Variants in PCDHGA12 observed in about 807,000 individuals in gnomAD.
PCDHGA12 encodes protocadherin gamma subfamily A, 12, also known as protocadherin gamma-A12.
PCDHGA12 carries 43 observed loss-of-function variants against 61.1 expected under a neutral mutation model. That is an observed-to-expected ratio of 0.70 (90% CI 0.55 to 0.91). PCDHGA12 has a LOEUF of 0.91. Among genes scored for constraint, PCDHGA12 ranks in the 40% least tolerant of loss-of-function variants. The pLI, the probability that PCDHGA12 is intolerant of heterozygous loss-of-function variation, is 0.00. For missense variants in PCDHGA12, 1,236 were observed against 1,227.7 expected (o/e 1.01, Z -0.10); for synonymous variants, 520 against 542.9 (o/e 0.96, Z 0.59).
At chr5:141,501,326 CACACACA>C (rs1562200783) in intron 2 of PCDHGA12, among the ~76,000 whole-genome samples, 10 of 151,784 alleles carry the variant, frequency 6.6e-5, no homozygotes, top group African/African-American at 1.9e-4. Flanking sequence ...CACACACACA[CACACACA>C]CCCCAAACTC....
rs980196319 is a variant in PCDHGA12 at position 141,511,604 on chromosome 5, A to C, written c.*431A>C. 3 of 248,420 alleles carry C rather than the reference A, an allele frequency of 1.2e-5. No individual in the cohort carries two copies. Among genetic ancestry groups the C allele is most frequent in the African/African-American group, 6.6e-5 (3 of 45,596 alleles). The allele number at this position is 248,420 out of a possible 1,614,324, so 15.4% of individuals were successfully genotyped here. Reference sequence around the variant, plus strand: ...GGTGTTGAAGTACCAAGTAACCTACAAGCCTCCTAGTTCTGAAAAGTTGGA... The same window carrying C: ...GGTGTTGAAGTACCAAGTAACCTACCAGCCTCCTAGTTCTGAAAAGTTGGA... On this transcript the variant is annotated 3_prime_UTR_variant, in exon 4 of 4. Coordinates refer to ENST00000252085, the MANE Select transcript of PCDHGA12 (RefSeq NM_003735.3).
intron 1 of PCDHGA12, among the ~76,000 whole-genome samples, chr5:141,456,266 C>G (rs1273258132): frequency 6.6e-6 from 1 of 152,128 alleles, no homozygotes; most frequent in Non-Finnish European, 1.5e-5. Context: ...TTGCTTCTGG[C>G]TACTTCCTGC....
At chr5:141,434,693 T>C (rs2097710124) in intron 1 of PCDHGA12, among the ~76,000 whole-genome samples, 1 of 152,034 alleles carries the variant, frequency 6.6e-6, no homozygotes, top group Non-Finnish European at 1.5e-5. Context: ...TTGCTGTTAA[T>C]AAATATGTGG....
At chr5:141,459,703 T>G (rs2098973426) in intron 1 of PCDHGA12, among the ~76,000 whole-genome samples, 1 of 152,226 alleles carries the variant, frequency 6.6e-6, no homozygotes, top group African/African-American at 2.4e-5. Context: ...CTTGCTACAT[T>G]TTCTCACCAA....
intron 1 of PCDHGA12, among the ~76,000 whole-genome samples, chr5:141,445,458 A>G (rs1427391084): frequency 6.6e-6 from 1 of 152,248 alleles, no homozygotes; most frequent in Non-Finnish European, 1.5e-5. Flanking sequence ...TGCAGCAATG[A>G]ACAAGGCATA....
chr5:141,441,843 G>T, intron 1 of PCDHGA12: 1 of 356,176 alleles, frequency 2.8e-6, no homozygotes. Context: ...TCGCGCTCTT[G>T]GATATGGTGC....
chr5:141,486,421 G>A lies in PCDHGA12; in HGVS notation c.2425-8386G>A, dbSNP rs772631503. ...TGACTGCTGGACCCTTGGATCGAGA[G>A]GCCAAATCTAGCTATGACATCATGG... On this transcript the variant is annotated intron_variant, in intron 1 of 3. Coordinates refer to ENST00000252085, the MANE Select transcript of PCDHGA12 (RefSeq NM_003735.3). This position sits in a 1 kb window ranked among gnomAD's most constrained non-coding sequence, Gnocchi z 5.0. 2.5e-6 allele frequency: 4 copies of A among 1,614,152 alleles called. No homozygotes were observed. In the East Asian group the frequency reaches 6.7e-5, roughly 27 times the overall value.
Position 141,491,732 on chromosome 5 carries a change from C to G in PCDHGA12, c.2425-3075C>G. ...GGCTCGGCGCCGCCCCGGGCGACCC[C>G]TGGGGGCGGCACTGGAGAAGCCGCC... On this transcript the variant is annotated intron_variant, in intron 1 of 3. Coordinates refer to ENST00000252085, the MANE Select transcript of PCDHGA12 (RefSeq NM_003735.3). This position sits in a 1 kb window ranked among gnomAD's most constrained non-coding sequence, Gnocchi z 6.9. The G allele has an allele frequency of 1.2e-6, 2 of 1,602,752 alleles. No individual in the cohort carries two copies. Among genetic ancestry groups the G allele is most frequent in the Non-Finnish European group, 1.7e-6 (2 of 1,175,308 alleles).
In PCDHGA12 at chr5:141,485,580, A is replaced by C. The variant is rs761157560; in HGVS notation, c.2425-9227A>C. The C allele has an allele frequency of 6.2e-7, 1 of 1,612,610 alleles. No homozygotes were observed. The highest frequency in any genetic ancestry group is 2.2e-5 in the East Asian group (1 of 44,850). ...GATCACGCCCCCCGTTTTCCGCGGCAGCAGCTGGACTTGGAAATTGGGGAG... is the reference window on the plus strand; with the variant it reads ...GATCACGCCCCCCGTTTTCCGCGGCCGCAGCTGGACTTGGAAATTGGGGAG... On this transcript the variant is annotated intron_variant, in intron 1 of 3. Transcript: ENST00000252085. The surrounding 1 kb of genome is among the most constrained non-coding windows in gnomAD (Gnocchi z 5.7).
chr5:141,509,086 A>T lies in PCDHGA12; in HGVS notation c.2573-1861A>T, dbSNP rs147084289. On this transcript the variant is annotated intron_variant, in intron 3 of 3. Coordinates refer to ENST00000252085, the MANE Select transcript of PCDHGA12 (RefSeq NM_003735.3). ...CAGCTCCGGGGATTTGCGACATGAAATGGGGGCTGTAGAAACCTGAGCGCT... is the reference window on the plus strand; with the variant it reads ...CAGCTCCGGGGATTTGCGACATGAATTGGGGGCTGTAGAAACCTGAGCGCT... 8.3e-3 allele frequency among the ~76,000 whole-genome samples: 1,261 copies of T among 152,228 alleles called. 7 individuals are homozygous for T. Among genetic ancestry groups the T allele is most frequent in the Middle Eastern group, 0.037 (11 of 294 alleles).
chr5:141,450,110 G>C (rs2098669636), intron 1 of PCDHGA12, among the ~76,000 whole-genome samples: 1 of 147,716 alleles, frequency 6.8e-6, no homozygotes. Context: ...AGGTTCAAAT[G>C]ATTCTCCTGC....
intron 2 of PCDHGA12, among the ~76,000 whole-genome samples, chr5:141,501,223 T>G (rs1247662371): frequency 6.6e-6 from 1 of 151,280 alleles, no homozygotes; most frequent in African/African-American, 2.4e-5. Flanking sequence ...CTTCCTAGAT[T>G]TCTCAGTTTT....
At chr5:141,472,729 T>G (rs2099294506) in intron 1 of PCDHGA12, among the ~76,000 whole-genome samples, 1 of 152,004 alleles carries the variant, frequency 6.6e-6, no homozygotes. Context: ...CTCACACCTG[T>G]AATCCCAGCA....
chr5:141,471,646 G>C (rs935284198), intron 1 of PCDHGA12: 1 of 152,108 alleles, frequency 6.6e-6, no homozygotes, highest in Non-Finnish European at 1.5e-5. Flanking sequence ...GTAATATACT[G>C]GATGTGGGGA....
rs1279890312 is a variant in PCDHGA12, at chr5:141,432,403, G to C, written c.1644G>C (p.Leu548Phe). The change falls in exon 1 of 4, where the codon TTG becomes TTC. Residue 548 changes from leucine (L) to phenylalanine (F), a missense_variant. Leu to Phe is a conservative substitution (Grantham distance 22). Transcript: ENST00000252085. This position sits in a 1 kb window ranked among gnomAD's most constrained non-coding sequence, Gnocchi z 6.0. ...CGCCCCTCAGCAGCAACGTGTCGTT[G>C]AGCCTGTTCGTGCTGGACCAGAACG... ...GHPPLSSNVS[L>F]SLFVLDQNDN... 1.9e-6 allele frequency: 3 copies of C among 1,614,242 alleles called. No homozygotes were observed. Among genetic ancestry groups the C allele is most frequent in the Non-Finnish European group, 8.5e-7 (1 of 1,180,052 alleles).
chr5:141,477,817 C>G lies in PCDHGA12; in HGVS notation c.2425-16990C>G, dbSNP rs1593824080. 2 of 1,614,138 alleles carry G rather than the reference C, an allele frequency of 1.2e-6. No individual in the cohort carries two copies. The highest frequency in any genetic ancestry group is 8.5e-7 in the Non-Finnish European group (1 of 1,180,038). ...ATCGCAATGACAATGCCCCCCAGGT[C>G]CTATATCCTCGGCCAGGTGGGAGCT... is the stretch of plus-strand genomic sequence containing the variant. On this transcript the variant is annotated intron_variant, in intron 1 of 3. Coordinates refer to ENST00000252085, the MANE Select transcript of PCDHGA12 (RefSeq NM_003735.3). This position sits in a 1 kb window ranked among gnomAD's most constrained non-coding sequence, Gnocchi z 4.9.
At position 141,503,509 on chromosome 5, in the gene PCDHGA12, G is replaced by A. The variant is rs373282648; in HGVS notation, c.2484-1884G>A. ...AGCTGCTCAAGAGGCTGAGGCAGGA[G>A]AATCACTTGAACCTGGGAGGCAGAG... On this transcript the variant is annotated intron_variant, in intron 2 of 3. Transcript: ENST00000252085. Among the ~76,000 whole-genome samples the A allele has an allele frequency of 9.4e-5, 14 of 149,410 alleles. No individual in the cohort carries two copies. The South Asian group carries it at 1.5e-3, about 16-fold the overall frequency.
chr5:141,485,259 G>C lies in PCDHGA12; in HGVS notation c.2425-9548G>C. ...TTTTACCACCTGGGTTACGTTTGTGGGCAGATCCGCTACCCGGTCCCAGAG... is the reference window on the plus strand; with the variant it reads ...TTTTACCACCTGGGTTACGTTTGTGCGCAGATCCGCTACCCGGTCCCAGAG... On this transcript the variant is annotated intron_variant, in intron 1 of 3. Coordinates refer to ENST00000252085, the MANE Select transcript of PCDHGA12 (RefSeq NM_003735.3). The surrounding 1 kb of genome is among the most constrained non-coding windows in gnomAD (Gnocchi z 5.7). 1.2e-6 allele frequency: 2 copies of C among 1,614,136 alleles called. No homozygotes were observed. The highest frequency in any genetic ancestry group is 1.7e-6 in the Non-Finnish European group (2 of 1,180,002).
At chr5:141,441,279 C>T (rs3792898) in intron 1 of PCDHGA12, 17,193 of 152,116 alleles carry the variant, frequency 0.11, 1,155 homozygotes, top group African/African-American at 0.18. Context: ...CGGGAGAAAA[C>T]GAGGTCACAT....
Sources: allele counts gnomAD v4.1 joint callset (sites outside exome capture counted in the v4.1 genomes callset), GRCh38; gene constraint gnomAD v4.1.1; non-coding constraint Gnocchi (gnomAD v3.1); transcripts MANE v1.5; gene names NCBI Gene and HGNC (gene_info 2026-07-23, HGNC 2026-07-21).